Variants in PPM1A observed in about 807,000 individuals in gnomAD.
PPM1A encodes protein phosphatase, Mg2+/Mn2+ dependent 1A.
PPM1A carries 7 observed loss-of-function variants against 35.0 expected under a neutral mutation model. That is an observed-to-expected ratio of 0.20 (90% confidence interval 0.11 to 0.38). PPM1A has a LOEUF of 0.38. PPM1A is among the 10% of genes least tolerant of loss of function. The pLI, the probability that PPM1A is intolerant of heterozygous loss-of-function variation, is 1.00. For synonymous variants in PPM1A, 153 were observed against 167.3 expected (o/e 0.91, Z 0.66); for missense variants, 239 against 467.8 (o/e 0.51, Z 4.51).
In PPM1A at chr14:60,273,192, T is replaced by G. The variant is rs1595327065; in HGVS notation, c.-20-9492T>G. ...TTTGAGTTTATTCAGCAAATATTTA[T>G]TAATGATTTACTGTATACTCTGTGC... On this transcript the variant is annotated intron_variant, in intron 1 of 5. Coordinates refer to ENST00000395076, the MANE Select transcript of PPM1A (RefSeq NM_021003.5). The surrounding 1 kb of genome is among the most constrained non-coding windows in gnomAD (Gnocchi z 4.3). 6.6e-6 allele frequency among the ~76,000 whole-genome samples: 1 copy of G among 152,350 alleles called. No individual in the cohort carries two copies. Among genetic ancestry groups the G allele is most frequent in the East Asian group, 1.9e-4 (1 of 5,188 alleles).
chr14:60,270,327 G>A (rs1884934258), intron 1 of PPM1A, among the ~76,000 whole-genome samples: 1 of 151,896 alleles, frequency 6.6e-6, no homozygotes, highest in African/African-American at 2.4e-5. Flanking sequence ...CACAAATTAG[G>A]TTTTTTAAAA....
At chr14:60,256,142 C>T (rs1297820838) in intron 1 of PPM1A, among the ~76,000 whole-genome samples, 1 of 152,186 alleles carries the variant, frequency 6.6e-6, no homozygotes, top group Non-Finnish European at 1.5e-5. Flanking sequence ...AAATACCAGC[C>T]AGGTGTGGTG....
At position 60,294,651 on chromosome 14, in the gene PPM1A, T is replaced by G. The variant is rs181373848; in HGVS notation, c.*2169T>G. The G allele has an allele frequency of 1.7e-3, 257 of 151,910 alleles. 1 individual carries two copies. Among genetic ancestry groups the G allele is most frequent in the African/African-American group, 5.2e-3 (217 of 41,512 alleles). 9.4% of individuals were successfully genotyped at this position (151,910 alleles called of 1,614,324 possible). ...TGTGTAATCTTTTGAGATGCAAAAC[T>G]TAAGTCACAAGTAGAGTATGTGATG... is the stretch of plus-strand genomic sequence containing the variant. On this transcript the variant is annotated 3_prime_UTR_variant, in exon 6 of 6. Coordinates refer to ENST00000395076, the MANE Select transcript of PPM1A (RefSeq NM_021003.5).
chr14:60,265,897 A>G (rs922959594), intron 1 of PPM1A, among the ~76,000 whole-genome samples: 1 of 152,246 alleles, frequency 6.6e-6, no homozygotes, highest in Non-Finnish European at 1.5e-5. Flanking sequence ...CTCACTGGTT[A>G]TTACTGTCAC....
At chr14:60,260,760 A>G (rs186018059) in intron 1 of PPM1A, among the ~76,000 whole-genome samples, 1 of 152,284 alleles carries the variant, frequency 6.6e-6, no homozygotes, top group African/African-American at 2.4e-5. Context: ...TAGGTATTTT[A>G]TATAAATGGA....
upstream of PPM1A, among the ~76,000 whole-genome samples, chr14:60,247,627 CAAAAAAAAAAA>C (rs58749853): frequency 1.0e-4 from 5 of 50,172 alleles, no homozygotes; most frequent in African/African-American, 1.4e-4. Flanking sequence ...GACTCTGTCT[CAAAAAAAAAAA>C]AAAAAAAAAA....
chr14:60,290,829 C>G (rs910336593), intron 4 of PPM1A, among the ~76,000 whole-genome samples: 1 of 151,898 alleles, frequency 6.6e-6, no homozygotes, highest in African/African-American at 2.4e-5. Context: ...AAAATTGCTT[C>G]AAGTCAATTT....
rs1415848697 is a variant in PPM1A at position 60,295,370 on chromosome 14, CTT to C, written c.*2889_*2890del. 6.6e-6 allele frequency: 1 copy of C among 151,564 alleles called. No homozygotes were observed. The highest frequency in any genetic ancestry group is 2.4e-5 in the African/African-American group (1 of 41,352). 9.4% of individuals were successfully genotyped at this position (151,564 alleles called of 1,614,324 possible). A position where few individuals can be genotyped will look rare whatever the true frequency, so the allele number is the denominator to read the frequency against. Reference sequence around the variant, plus strand: ...ATACTTTAAAAAATCAAAGTGATAACTTAATTCAGCTTTGGAAGTATCTCAAA... The same window carrying C: ...ATACTTTAAAAAATCAAAGTGATAACAATTCAGCTTTGGAAGTATCTCAAA... On this transcript the variant is annotated 3_prime_UTR_variant, in exon 6 of 6. Coordinates refer to ENST00000395076, the MANE Select transcript of PPM1A (RefSeq NM_021003.5).
chr14:60,272,519 C>A (rs1475007822), intron 1 of PPM1A, among the ~76,000 whole-genome samples: 2 of 151,864 alleles, frequency 1.3e-5, no homozygotes, highest in Non-Finnish European at 2.9e-5. Flanking sequence ...CCAGCGTAGC[C>A]AACATGATGA....
intron 1 of PPM1A, among the ~76,000 whole-genome samples, chr14:60,271,421 T>A (rs1255666131): frequency 6.6e-6 from 1 of 152,232 alleles, no homozygotes; most frequent in South Asian, 2.1e-4. Flanking sequence ...TATCATTTTG[T>A]TTTGCTACTT....
At chr14:60,286,938 GTTAT>G in intron 3 of PPM1A, 1 of 897,458 alleles carries the variant, frequency 1.1e-6, no homozygotes, top group Non-Finnish European at 1.3e-6. Context: ...TTCAATATAA[GTTAT>G]TTATAGGTAT....
In PPM1A at chr14:60,264,478, G is replaced by C. The variant is rs1292626696; in HGVS notation, c.-21+14801G>C. Reference sequence around the variant, plus strand: ...ATTAAGTTTTAAAGCACTTAGAACAGAGCCTTGCATATTATAACTGTGACA... The same window carrying C: ...ATTAAGTTTTAAAGCACTTAGAACACAGCCTTGCATATTATAACTGTGACA... On this transcript the variant is annotated intron_variant, in intron 1 of 5. Coordinates refer to ENST00000395076, the MANE Select transcript of PPM1A (RefSeq NM_021003.5). Among the ~76,000 whole-genome samples the C allele has an allele frequency of 3.9e-5, 6 of 152,174 alleles. No homozygotes were observed. In the South Asian group the frequency reaches 1.0e-3, roughly 26 times the overall value.
At chr14:60,290,924 G>C (rs754236312) in intron 4 of PPM1A, among the ~76,000 whole-genome samples, 46 of 152,010 alleles carry the variant, frequency 3.0e-4, no homozygotes, top group Non-Finnish European at 6.0e-4. Flanking sequence ...ACTTGTCATG[G>C]AAATGTCTTA....
At chr14:60,249,049 G>GC (rs1286787922), upstream of PPM1A, among the ~76,000 whole-genome samples, 1 of 152,048 alleles carries the variant, frequency 6.6e-6, no homozygotes, top group Non-Finnish European at 1.5e-5. This position sits in a 1 kb window ranked among gnomAD's most constrained non-coding sequence, Gnocchi z 4.5. Flanking sequence ...ATCTGTGGCG[G>GC]CCCCTCCCCC....
chr14:60,269,543 G>T (rs184054224), intron 1 of PPM1A, among the ~76,000 whole-genome samples: 2 of 151,762 alleles, frequency 1.3e-5, no homozygotes, highest in Non-Finnish European at 2.9e-5. Context: ...TTCTTTTTTG[G>T]CATGTTTATT....
At chr14:60,254,102 A>G (rs1882765104) in intron 1 of PPM1A, among the ~76,000 whole-genome samples, 1 of 152,210 alleles carries the variant, frequency 6.6e-6, no homozygotes, top group African/African-American at 2.4e-5. Flanking sequence ...ATTATTGAGT[A>G]TATGAAATCT....
rs1888069809 is a variant in PPM1A, at chr14:60,296,449, G to A, written c.*3967G>A. The stretch of plus-strand genomic sequence containing the variant: ...TGTGTAAATATCTTAGTATATAATT[G>A]TTTCTCATTTGAGGTTTTTCTTCTA... On this transcript the variant is annotated 3_prime_UTR_variant, in exon 6 of 6. Transcript: ENST00000395076. The surrounding 1 kb of genome is among the most constrained non-coding windows in gnomAD (Gnocchi z 4.4). 1 of 252,098 alleles carries A rather than the reference G, an allele frequency of 4.0e-6. No individual in the cohort carries two copies. Among genetic ancestry groups the A allele is most frequent in the East Asian group, 7.2e-5 (1 of 13,924 alleles). 15.6% of individuals were successfully genotyped at this position (252,098 alleles called of 1,614,324 possible). A position where few individuals can be genotyped will look rare whatever the true frequency, so the allele number is the denominator to read the frequency against.
intron 3 of PPM1A, 198 bp downstream of exon 3, chr14:60,285,939 C>A: frequency 7.8e-7 from 1 of 1,282,702 alleles, no homozygotes; most frequent in East Asian, 3.1e-5. Context: ...GAAATAACAA[C>A]TAGTGTGGAA....
rs1887398694 is a variant in PPM1A, at chr14:60,289,518, T to C, written c.953-288T>C. Among the ~76,000 whole-genome samples, 1 of 152,164 alleles carries C rather than the reference T, an allele frequency of 6.6e-6. No homozygotes were observed. Among genetic ancestry groups the C allele is most frequent in the South Asian group, 2.1e-4 (1 of 4,830 alleles). On this transcript the variant is annotated intron_variant, in intron 3 of 5. Coordinates refer to ENST00000395076, the MANE Select transcript of PPM1A (RefSeq NM_021003.5). This position sits in a 1 kb window ranked among gnomAD's most constrained non-coding sequence, Gnocchi z 4.1. ...TAGTTGACATCTTAAGAAAGGGTAT[T>C]CTCACTTGTGCACACATATCCTTGA... is the stretch of plus-strand genomic sequence containing the variant.
Sources: allele counts gnomAD v4.1 joint callset (sites outside exome capture counted in the v4.1 genomes callset), GRCh38; gene constraint gnomAD v4.1.1; non-coding constraint Gnocchi (gnomAD v3.1); transcripts MANE v1.5; gene names NCBI Gene and HGNC (gene_info 2026-07-23, HGNC 2026-07-21).